Variants in DPP10 observed in about 807,000 individuals in gnomAD.
The protein encoded by DPP10 is inactive dipeptidyl peptidase 10.
A neutral mutation model predicts 120.9 loss-of-function variants in DPP10; 33 were observed. The observed-to-expected ratio is 0.27, with a 90% CI of 0.21 to 0.37. DPP10 has a LOEUF of 0.37. Among genes scored for constraint, DPP10 ranks in the 10% least tolerant of loss-of-function variants. DPP10 has a pLI of 1.00. For missense variants in DPP10, 816 were observed against 942.8 expected (o/e 0.87, Z 1.76); for synonymous variants, 337 against 326.1 (o/e 1.03, Z -0.36).
chr2:115,513,718 A>G (rs2077354200), intron 4 of DPP10, among the ~76,000 whole-genome samples: 1 of 152,040 alleles, frequency 6.6e-6, no homozygotes, highest in Admixed American at 6.6e-5. Context: ...TTTATATGTT[A>G]TAACCCAATC....
chr2:114,582,927 A>G (rs771022106), intron 1 of DPP10, among the ~76,000 whole-genome samples: 4 of 152,206 alleles, frequency 2.6e-5, no homozygotes, highest in Admixed American at 6.5e-5. Flanking sequence ...CCAGTAAGTC[A>G]CATATCACTG....
intron 3 of DPP10, among the ~76,000 whole-genome samples, chr2:115,484,252 ATT>A (rs34563117): frequency 1.0e-4 from 15 of 148,792 alleles, no homozygotes; most frequent in African/African-American, 2.7e-4. Flanking sequence ...TGGAGAGGCA[ATT>A]TTTTTTTTTT....
At chr2:114,836,386 T>G (rs1687737909) in intron 1 of DPP10, among the ~76,000 whole-genome samples, 1 of 152,094 alleles carries the variant, frequency 6.6e-6, no homozygotes, top group South Asian at 2.1e-4. Flanking sequence ...AGAGAGAAAT[T>G]TTAAAGCTGG....
chr2:115,510,840 TA>T (rs1404820432), intron 4 of DPP10, among the ~76,000 whole-genome samples: 3 of 152,194 alleles, frequency 2.0e-5, no homozygotes, highest in African/African-American at 7.2e-5. Context: ...TTTTTCCATC[TA>T]AAAATCATAC....
In DPP10 at chr2:115,844,896, CAG is replaced by C. The variant is rs1430651195; in HGVS notation, c.*2555_*2556del. On this transcript the variant is annotated 3_prime_UTR_variant, in exon 26 of 26. Coordinates refer to ENST00000410059, the MANE Select transcript of DPP10 (RefSeq NM_020868.6). ...GCCTTCATTAAGATCTCCAAATACT[CAG>C]AGACTAAGCAGGCTATTCTCATCTC... 1 of 152,150 alleles carries C rather than the reference CAG, an allele frequency of 6.6e-6. No homozygotes were observed. Among genetic ancestry groups the C allele is most frequent in the African/African-American group, 2.4e-5 (1 of 41,454 alleles). The allele number at this position is 152,150 out of a possible 1,614,324, so 9.4% of individuals were successfully genotyped here.
At chr2:115,382,250 T>C (rs2066444219) in intron 3 of DPP10, among the ~76,000 whole-genome samples, 1 of 152,142 alleles carries the variant, frequency 6.6e-6, no homozygotes, top group African/African-American at 2.4e-5. Flanking sequence ...GTGCGGGATA[T>C]AATCTCCTGG....
chr2:115,390,812 C>T (rs1270285385), intron 3 of DPP10, among the ~76,000 whole-genome samples: 8 of 152,144 alleles, frequency 5.3e-5, no homozygotes, highest in African/African-American at 1.9e-4. Flanking sequence ...CTATGTGCCT[C>T]ATTTTAGTGA....
chr2:115,042,606 G>A (rs767403795), intron 1 of DPP10, among the ~76,000 whole-genome samples: 7 of 152,172 alleles, frequency 4.6e-5, no homozygotes, highest in Admixed American at 2.0e-4. Flanking sequence ...ATTGATGCAC[G>A]GAGTGTTAGA....
At chr2:115,393,863 A>C (rs964303070) in intron 3 of DPP10, among the ~76,000 whole-genome samples, 4 of 152,196 alleles carry the variant, frequency 2.6e-5, no homozygotes, top group Admixed American at 1.3e-4. Flanking sequence ...GTGATACATT[A>C]GGGTACTTGG....
chr2:114,684,004 G>A (rs151151335), intron 1 of DPP10, among the ~76,000 whole-genome samples: 59 of 152,100 alleles, frequency 3.9e-4, no homozygotes, highest in African/African-American at 1.4e-3. Context: ...CAAATCTACT[G>A]TGACCAGTGA....
chr2:114,684,030 T>C (rs186787816), intron 1 of DPP10, among the ~76,000 whole-genome samples: 11 of 152,086 alleles, frequency 7.2e-5, no homozygotes, highest in African/African-American at 2.6e-4. Context: ...CACTCAAAGA[T>C]TCTCACTGCC....
Position 115,377,445 on chromosome 2 carries a change from G to A in DPP10, c.271+33533G>A, listed in dbSNP as rs146799940. ...TTGTTTAAGTTCATTGTACATTCTG[G>A]ATATTAACCCTTTGTCAGATGAGTA... On this transcript the variant is annotated intron_variant, in intron 3 of 25. Coordinates refer to ENST00000410059, the MANE Select transcript of DPP10 (RefSeq NM_020868.6). Among the ~76,000 whole-genome samples the A allele has an allele frequency of 5.4e-3, 816 of 152,186 alleles. 7 individuals carry two copies. The highest frequency in any genetic ancestry group is 0.019 in the African/African-American group (771 of 41,506).
chr2:115,514,740 G>A (rs528138344), intron 4 of DPP10, among the ~76,000 whole-genome samples: 22 of 151,836 alleles, frequency 1.4e-4, no homozygotes, highest in Admixed American at 6.6e-4. Context: ...ATTGTACATC[G>A]TAGAGATAAA....
At chr2:115,375,083 A>G (rs913285897) in intron 3 of DPP10, among the ~76,000 whole-genome samples, 2 of 152,130 alleles carry the variant, frequency 1.3e-5, no homozygotes, top group Admixed American at 6.5e-5. Context: ...CTTTTCTACT[A>G]TATGGTCAGG....
At position 115,161,787 on chromosome 2, in the gene DPP10, C is replaced by G; in HGVS notation, c.61-147452C>G. 1.3e-5 allele frequency: 8 copies of G among 609,200 alleles called. No homozygotes were observed. In the South Asian group the frequency reaches 2.6e-4, roughly 20 times the overall value. 37.7% of individuals were successfully genotyped at this position (609,200 alleles called of 1,614,324 possible). ...GAGGGAGGGACCCTACGACGGGGAG[C>G]CCGCCCGGTGCCGCTCTTCTTCCCC... On this transcript the variant is annotated intron_variant, in intron 1 of 25. Coordinates refer to ENST00000410059, the MANE Select transcript of DPP10 (RefSeq NM_020868.6).
intron 1 of DPP10, among the ~76,000 whole-genome samples, chr2:115,147,635 T>C (rs2051298318): frequency 1.3e-5 from 2 of 152,228 alleles, no homozygotes; most frequent in Non-Finnish European, 2.9e-5. Context: ...AACAGAGTGG[T>C]AGAGTGGAAA....
At chr2:115,176,549 A>G (rs747831681) in intron 1 of DPP10, among the ~76,000 whole-genome samples, 6 of 152,100 alleles carry the variant, frequency 3.9e-5, no homozygotes, top group Non-Finnish European at 8.8e-5. Context: ...TATAATAACC[A>G]TCAACTTCTT....
At position 115,800,700 on chromosome 2, in the gene DPP10, C is replaced by T. The variant is rs1210581268; in HGVS notation, c.1700+9344C>T. Among the ~76,000 whole-genome samples the T allele has an allele frequency of 2.0e-5, 3 of 152,280 alleles. 1 individual carries two copies. The East Asian group carries it at 5.8e-4, about 29-fold the overall frequency. On this transcript the variant is annotated intron_variant, in intron 19 of 25. Transcript: ENST00000410059. ...TCATTTGTTAAATAGGGAATCCTTT[C>T]CCCATTGCTTGTTTTTGTCAGGTTT...
intron 1 of DPP10, among the ~76,000 whole-genome samples, chr2:114,990,499 T>C (rs1350048410): frequency 6.6e-6 from 1 of 152,210 alleles, no homozygotes; most frequent in African/African-American, 2.4e-5. Context: ...AGATTCCTTT[T>C]TTTCCATGTT....
Sources: allele counts gnomAD v4.1 joint callset (sites outside exome capture counted in the v4.1 genomes callset), GRCh38; gene constraint gnomAD v4.1.1; transcripts MANE v1.5; gene names NCBI Gene and HGNC (gene_info 2026-07-23, HGNC 2026-07-21).